PCDH15: variants seen among roughly 807,000 people sequenced by gnomAD.
PCDH15 encodes the protein protocadherin related 15.
A neutral mutation model predicts 178.5 loss-of-function variants in PCDH15; 129 were observed. The ratio of observed to expected loss-of-function variants is 0.72; its 90% CI spans 0.63 to 0.84. The LOEUF is 0.84. Ranked by LOEUF, PCDH15 falls within the 40% of genes least tolerant of loss-of-function variation. The pLI is 0.00. For synonymous variants in PCDH15, 800 were observed against 732.0 expected (o/e 1.09, Z -1.50); for missense variants, 2,230 against 2,099.9 (o/e 1.06, Z -1.21).
At chr10:54,847,897 T>C (rs11004596) in intron 3 of PCDH15, among the ~76,000 whole-genome samples, 24,067 of 152,188 alleles carry the variant, frequency 0.16, 2,399 homozygotes, top group East Asian at 0.26. Flanking sequence ...GCACAGGACT[T>C]GAATATACTG....
At chr10:55,621,259 T>A (rs1199654346) in intron 2 of PCDH15, among the ~76,000 whole-genome samples, 1 of 152,210 alleles carries the variant, frequency 6.6e-6, no homozygotes, top group East Asian at 1.9e-4. Flanking sequence ...TTAGTTGTCC[T>A]TTTAAAAATT....
At chr10:55,377,226 A>C (rs1426474604) in intron 2 of PCDH15, among the ~76,000 whole-genome samples, 2 of 151,670 alleles carry the variant, frequency 1.3e-5, no homozygotes, top group African/African-American at 4.8e-5. Flanking sequence ...AAGGCAAACT[A>C]TTTTAAGTTA....
At chr10:55,399,845 T>C (rs1431546721) in intron 2 of PCDH15, among the ~76,000 whole-genome samples, 2 of 152,248 alleles carry the variant, frequency 1.3e-5, no homozygotes, top group South Asian at 2.1e-4. Flanking sequence ...TTATGTAATA[T>C]AAAAATATAA....
At chr10:54,090,095 G>T in intron 15 of PCDH15, 32 bp from the exon 16 acceptor site, 1 of 1,472,998 alleles carries the variant, frequency 6.8e-7, no homozygotes, top group Non-Finnish European at 9.5e-7. Context: ...CAATTATCAA[G>T]TAATTGATAT....
chr10:55,622,054 G>A (rs1837404941), intron 2 of PCDH15, among the ~76,000 whole-genome samples: 1 of 124,436 alleles, frequency 8.0e-6, no homozygotes, highest in Admixed American at 8.8e-5. Flanking sequence ...TATATAAATT[G>A]TATATATAAT....
chr10:54,833,178 G>T (rs1035107746), intron 3 of PCDH15, among the ~76,000 whole-genome samples: 1 of 152,108 alleles, frequency 6.6e-6, no homozygotes, highest in East Asian at 1.9e-4. Context: ...ATGAGAAATA[G>T]ACTTTCAAGA....
intron 11 of PCDH15, among the ~76,000 whole-genome samples, chr10:54,193,310 A>G (rs2049220393): frequency 6.6e-6 from 1 of 152,190 alleles, no homozygotes. Flanking sequence ...TGTAACCAAT[A>G]GATAATATGA....
chr10:53,821,878 T>G (rs757127227), intron 32 of PCDH15: 1 of 1,613,430 alleles, frequency 6.2e-7, no homozygotes, highest in Admixed American at 1.7e-5. Flanking sequence ...GTAGATTGAC[T>G]GTGAGATTGT....
intron 26 of PCDH15, among the ~76,000 whole-genome samples, chr10:53,871,533 C>CA (rs2079856045): frequency 1.4e-5 from 2 of 147,156 alleles, no homozygotes; most frequent in African/African-American, 5.0e-5. Context: ...ATTATAGTTA[C>CA]CTAAGTTGTC....
intron 1 of PCDH15, among the ~76,000 whole-genome samples, chr10:55,259,900 C>A (rs2132233667): frequency 8.4e-5 from 1 of 11,926 alleles, no homozygotes. Flanking sequence ...AAAACTCCGT[C>A]TCAAAAAAAA....
At chr10:54,252,756 A>G (rs1280353675) in intron 8 of PCDH15, among the ~76,000 whole-genome samples, 1 of 151,694 alleles carries the variant, frequency 6.6e-6, no homozygotes, top group Admixed American at 6.6e-5. Flanking sequence ...TGTCATTTTA[A>G]TTATAGAACT....
At chr10:54,610,278 C>G (rs2092917069) in intron 2 of PCDH15, among the ~76,000 whole-genome samples, 1 of 151,926 alleles carries the variant, frequency 6.6e-6, no homozygotes, top group East Asian at 1.9e-4. Context: ...GGTTTTAACC[C>G]TTGATCTTAC....
intron 3 of PCDH15, among the ~76,000 whole-genome samples, chr10:54,495,549 T>C (rs189823656): frequency 3.5e-4 from 54 of 152,276 alleles, no homozygotes; most frequent in African/African-American, 1.2e-3. Flanking sequence ...TAAGAGAGGA[T>C]ATAATTTCCT....
chr10:55,334,202 G>A, intron 2 of PCDH15, among the ~76,000 whole-genome samples: 1 of 116,114 alleles, frequency 8.6e-6, no homozygotes, highest in Admixed American at 9.6e-5. Context: ...TTACTCTGAT[G>A]TTCATAACTA....
At chr10:54,113,285 T>C (rs529152537) in intron 15 of PCDH15, among the ~76,000 whole-genome samples, 1 of 152,302 alleles carries the variant, frequency 6.6e-6, no homozygotes, top group East Asian at 1.9e-4. Flanking sequence ...AGGCAGATAC[T>C]ATATTACCGA....
At chr10:54,234,954 C>A (rs2054473335) in intron 9 of PCDH15, among the ~76,000 whole-genome samples, 1 of 152,114 alleles carries the variant, frequency 6.6e-6, no homozygotes, top group Non-Finnish European at 1.5e-5. Flanking sequence ...TCTTATCTGT[C>A]ACCTTTCTAC....
At chr10:53,996,279 T>A (rs536394118) in intron 20 of PCDH15, among the ~76,000 whole-genome samples, 1 of 152,158 alleles carries the variant, frequency 6.6e-6, no homozygotes, top group African/African-American at 2.4e-5. Context: ...AAAAGGAGAT[T>A]TTCTCTGCAG....
At chr10:55,153,090 C>T (rs978178954) in intron 2 of PCDH15, among the ~76,000 whole-genome samples, 12 of 151,996 alleles carry the variant, frequency 7.9e-5, no homozygotes, top group African/African-American at 2.9e-4. Context: ...TAATACTTTA[C>T]TTTGAAAGGT....
At chr10:54,965,524 A>ATAAAT (rs1838762980) in intron 2 of PCDH15, among the ~76,000 whole-genome samples, 1 of 151,922 alleles carries the variant, frequency 6.6e-6, no homozygotes, top group African/African-American at 2.4e-5. Flanking sequence ...AAAACTGTTT[A>ATAAAT]TAAATTACTC....
Sources: allele counts gnomAD v4.1 joint callset (sites outside exome capture counted in the v4.1 genomes callset), GRCh38; gene constraint gnomAD v4.1.1; transcripts MANE v1.5; gene names NCBI Gene and HGNC (gene_info 2026-07-23, HGNC 2026-07-21).